Variants in EFTUD2 observed in about 807,000 individuals in gnomAD.
EFTUD2 encodes the protein 116 kDa U5 small nuclear ribonucleoprotein component.
Under a neutral mutation model 114.3 loss-of-function variants are expected in EFTUD2, and 9 were observed. The ratio of observed to expected loss-of-function variants is 0.08; its 90% CI spans 0.05 to 0.14. EFTUD2 has a LOEUF of 0.14. EFTUD2 is among the 10% of genes least tolerant of loss of function. The pLI is 1.00. For missense variants in EFTUD2, 765 were observed against 1,241.2 expected, an observed-to-expected ratio of 0.62 and a Z score of 5.76; for synonymous variants, 449 against 462.3, an observed-to-expected ratio of 0.97 and a Z score of 0.37.
chr17:44,854,092 G>T lies in EFTUD2; in HGVS notation c.2347+177C>A. ...AAATGACTTAAATTTCCATTTCCAG[G>T]CTACACCACCAGGATAAGGAAGGAA... On this transcript the variant is annotated intron_variant, in intron 23 of 27. Coordinates refer to ENST00000426333, the MANE Select transcript of EFTUD2 (RefSeq NM_004247.4). This position sits in a 1 kb window ranked among gnomAD's most constrained non-coding sequence, Gnocchi z 4.3. The T allele has an allele frequency of 7.0e-7, 1 of 1,423,308 alleles. No individual in the cohort carries two copies. The allele number at this position is 1,423,308 out of a possible 1,614,324, so 88.2% of individuals were successfully genotyped here. A position where few individuals can be genotyped will look rare whatever the true frequency, so the allele number is the denominator to read the frequency against.
chr17:44,864,005 G>T (rs2050702573), intron 14 of EFTUD2: 1 of 451,528 alleles, frequency 2.2e-6, no homozygotes, highest in South Asian at 3.0e-5. Flanking sequence ...GCAGGTATCA[G>T]TGGTACATGG....
rs533508710 is a variant in EFTUD2, at chr17:44,851,138, T to C, written c.*136A>G. 4 of 722,608 alleles carry C rather than the reference T, an allele frequency of 5.5e-6. No homozygotes were observed. The East Asian group carries it at 1.0e-4, about 18-fold the overall frequency. 44.8% of individuals were successfully genotyped at this position (722,608 alleles called of 1,614,324 possible). On this transcript the variant is annotated 3_prime_UTR_variant, in exon 28 of 28. Coordinates refer to ENST00000426333, the MANE Select transcript of EFTUD2 (RefSeq NM_004247.4). ...ACTGGGGCTCTGGGTTGGAGGTTGGTGAGTTGTTCAAGATGGCAACAGCAG... is the reference window on the plus strand; with the variant it reads ...ACTGGGGCTCTGGGTTGGAGGTTGGCGAGTTGTTCAAGATGGCAACAGCAG...
At chr17:44,877,798 T>C (rs1169314239) in intron 9 of EFTUD2, among the ~76,000 whole-genome samples, 1 of 146,898 alleles carries the variant, frequency 6.8e-6, no homozygotes, top group Non-Finnish European at 1.5e-5. Context: ...AGAGCAAGAC[T>C]CCATCTCAAA....
In EFTUD2 at chr17:44,855,041, C is replaced by T. The variant is rs936049525; in HGVS notation, c.2046-37G>A. The T allele has an allele frequency of 6.5e-6, 10 of 1,549,700 alleles. No homozygotes were observed. In the South Asian group the frequency reaches 6.7e-5, roughly 10 times the overall value. The stretch of plus-strand genomic sequence containing the variant: ...GGAAATGGGTGGTAAGGACGGCTAA[C>T]AGAACAGCAGAAGAGGCATTACTAA... On this transcript the variant is annotated intron_variant, in intron 20 of 27. Transcript: ENST00000426333.
At chr17:44,869,295 A>C (rs906864522) in intron 11 of EFTUD2, among the ~76,000 whole-genome samples, 1 of 152,138 alleles carries the variant, frequency 6.6e-6, no homozygotes, top group Non-Finnish European at 1.5e-5. Context: ...CATGCAGTAT[A>C]ATCACTGAAC....
intron 2 of EFTUD2, 21 bp downstream of exon 2, chr17:44,894,396 A>G (rs2051339118): frequency 1.3e-6 from 2 of 1,540,156 alleles, no homozygotes; most frequent in African/African-American, 1.4e-5. Context: ...GTGAGATAAA[A>G]GAGCAATATA....
chr17:44,898,031 C>G (rs1267905279), intron 1 of EFTUD2, among the ~76,000 whole-genome samples: 1 of 152,182 alleles, frequency 6.6e-6, no homozygotes, highest in African/African-American at 2.4e-5. Flanking sequence ...CCAACTCCCT[C>G]AATGCCACCT....
chr17:44,895,495 CA>C (rs34990843), intron 1 of EFTUD2, among the ~76,000 whole-genome samples: 36,831 of 88,084 alleles, frequency 0.42, 4,706 homozygotes, highest in East Asian at 0.45. Flanking sequence ...GACTCCATCT[CA>C]AAAAAAAAAA....
At chr17:44,875,756 A>T in intron 10 of EFTUD2, 178 bp downstream of exon 10, 1 of 662,448 alleles carries the variant, frequency 1.5e-6, no homozygotes, top group Admixed American at 2.5e-5. Flanking sequence ...TAATAGTAAA[A>T]TGAAGATGTG....
At chr17:44,886,475 A>G (rs2051175235) in intron 3 of EFTUD2, 110 bp downstream of exon 3, 2 of 1,517,058 alleles carry the variant, frequency 1.3e-6, no homozygotes, top group Middle Eastern at 1.8e-4. Flanking sequence ...ACCTGAAGGT[A>G]GTAAAGAAAA....
chr17:44,873,870 T>C (rs1411100899), intron 10 of EFTUD2, among the ~76,000 whole-genome samples: 1 of 151,550 alleles, frequency 6.6e-6, no homozygotes, highest in African/African-American at 2.4e-5. Context: ...TAGCTGGGAT[T>C]ACAGGCGCCC....
rs750014204 is a variant in EFTUD2, at chr17:44,863,656, T to A, written c.1412A>T (p.Asp471Val). The change falls in exon 15 of 28, where the codon GAT becomes GTT. Residue 471 changes from aspartate to valine, a missense_variant and splice_region_variant. Asp to Val is a radical substitution (Grantham distance 152). Transcript: ENST00000426333. ...LGEAMSDCDPDGPLMCHTTKM... is the reference protein window; with the variant it reads ...LGEAMSDCDPVGPLMCHTTKM... ...AACCGGGGAGCCACATGCCCTTACA[T>A]CAGGGTCACAGTCACTCATAGCCTC... 7.4e-6 allele frequency: 12 copies of A among 1,612,830 alleles called. No individual in the cohort carries two copies.
At position 44,862,917 on chromosome 17, in the gene EFTUD2, G is replaced by A. The variant is rs756833576; in HGVS notation, c.1414-11C>T. ...GCACATCAGGGGGCCCTGGAAGAGG[G>A]GACAGGGTGCAGCTTCAACCACATC... On this transcript the variant is annotated splice_polypyrimidine_tract_variant and intron_variant, in intron 15 of 27. Coordinates refer to ENST00000426333, the MANE Select transcript of EFTUD2 (RefSeq NM_004247.4). The A allele has an allele frequency of 1.9e-6, 3 of 1,604,800 alleles. No homozygotes were observed. Among genetic ancestry groups the A allele is most frequent in the South Asian group, 2.2e-5 (2 of 90,694 alleles).
intron 1 of EFTUD2, 118 bp from the exon 2 acceptor site, chr17:44,894,643 C>G (rs1276146366): frequency 1.4e-6 from 1 of 717,006 alleles, no homozygotes; most frequent in Admixed American, 2.1e-5. Context: ...CATGCCTCCT[C>G]TCCAGTGACA....
intron 14 of EFTUD2, among the ~76,000 whole-genome samples, chr17:44,864,266 A>G (rs572272065): frequency 6.6e-6 from 1 of 152,158 alleles, no homozygotes; most frequent in Non-Finnish European, 1.5e-5. Flanking sequence ...TGTGCCTTCA[A>G]TGGTATCTGG....
At chr17:44,856,771 A>AC (rs2145446391) in intron 20 of EFTUD2, among the ~76,000 whole-genome samples, 1 of 151,916 alleles carries the variant, frequency 6.6e-6, no homozygotes, top group African/African-American at 2.4e-5. Context: ...AAAAAAAAAA[A>AC]ACAAAAAAAC....
At chr17:44,857,907 T>C (rs1224455377) in intron 19 of EFTUD2, among the ~76,000 whole-genome samples, 1 of 149,944 alleles carries the variant, frequency 6.7e-6, no homozygotes, top group Non-Finnish European at 1.5e-5. Context: ...TGGGAGCCTT[T>C]ATTTTCTTTT....
At chr17:44,860,254 C>A (rs568958147) in intron 17 of EFTUD2, 178 bp downstream of exon 17, 34 of 763,520 alleles carry the variant, frequency 4.5e-5, no homozygotes, top group Non-Finnish European at 4.3e-6. Context: ...AAAAGGCACC[C>A]GTCCTAATTC....
Position 44,868,307 on chromosome 17 carries a change from G to A in EFTUD2, c.1038C>T (p.Asp346=). The A allele has an allele frequency of 6.2e-7, 1 of 1,613,964 alleles. No individual in the cohort carries two copies. Among genetic ancestry groups the A allele is most frequent in the Non-Finnish European group, 8.5e-7 (1 of 1,179,946 alleles). The part of the protein sequence containing the change: ...YQEFAKRLWG[D]IYFNPKTRKF... ...CTTACGTCTTAGGGTTGAAGTAGATGTCACCCCAGAGTCTTTTAGCAAATT... is the reference window on the plus strand; with the variant it reads ...CTTACGTCTTAGGGTTGAAGTAGATATCACCCCAGAGTCTTTTAGCAAATT... Residue 346 remains aspartate, a synonymous_variant, in exon 12 of 28, where the codon GAC becomes GAT. Transcript: ENST00000426333.
Sources: gnomAD v4.1 joint callset for allele counts (sites outside exome capture counted in the v4.1 genomes callset) on GRCh38, gnomAD v4.1.1 for gene constraint, Gnocchi (gnomAD v3.1) non-coding constraint, MANE v1.5 for transcripts, NCBI Gene and HGNC (gene_info 2026-07-23, HGNC 2026-07-21) for gene names.